The following MRAS variants were observed in gnomAD, a reference collection of about 807,000 sequenced individuals.
MRAS encodes the protein muscle RAS oncogene homolog.
In MRAS, 4 loss-of-function variants were observed where a neutral mutation model predicts 20.9. That is an observed-to-expected ratio of 0.19 (90% CI 0.09 to 0.44). MRAS has a LOEUF of 0.44. Ranked by LOEUF, MRAS falls within the 20% of genes least tolerant of loss-of-function variation. The pLI is 0.99. For synonymous variants in MRAS, 98 were observed against 102.9 expected (o/e 0.95, Z 0.29); for missense variants, 154 against 277.5 (o/e 0.56, Z 3.16).
In MRAS at chr3:138,403,184, C is replaced by G. The variant is rs1192117187; in HGVS notation, c.*915C>G. 1.3e-5 allele frequency: 2 copies of G among 152,194 alleles called. No individual in the cohort carries two copies. Among genetic ancestry groups the G allele is most frequent in the Non-Finnish European group, 2.9e-5 (2 of 68,036 alleles). 9.4% of individuals were successfully genotyped at this position (152,194 alleles called of 1,614,324 possible). ...TTTCAGACAGTATGGGTTAAGTTCT[C>G]TGCCCTCCCCAGGGGTCTGAGGAGG... On this transcript the variant is annotated 3_prime_UTR_variant, in exon 6 of 6. Coordinates refer to ENST00000423968, the MANE Select transcript of MRAS (RefSeq NM_001085049.3).
chr3:138,373,376 A>T (rs1336934918), intron 2 of MRAS, among the ~76,000 whole-genome samples: 2 of 152,198 alleles, frequency 1.3e-5, no homozygotes, highest in Non-Finnish European at 2.9e-5. Flanking sequence ...ATTAACAGTT[A>T]TGGATGTCTT....
intron 2 of MRAS, among the ~76,000 whole-genome samples, chr3:138,383,270 GCAGACCT>G (rs758715911): frequency 1.3e-5 from 2 of 152,128 alleles, no homozygotes; most frequent in Admixed American, 6.5e-5. Context: ...TTGGCACATA[GCAGACCT>G]CAGTAGATGC....
At position 138,367,171 on chromosome 3, in the gene MRAS, C is replaced by T. The variant is rs571500576; in HGVS notation, c.-18-5695C>T. ...GGGGCAAGGAAATGGTTTAAATCAC[C>T]GAAGTCTACCAGGTTGAAGGGAAAG... On this transcript the variant is annotated intron_variant, in intron 1 of 5. Coordinates refer to ENST00000423968, the MANE Select transcript of MRAS (RefSeq NM_001085049.3). 2.0e-5 allele frequency among the ~76,000 whole-genome samples: 3 copies of T among 152,222 alleles called. No individual in the cohort carries two copies. In the South Asian group the frequency reaches 6.2e-4, roughly 32 times the overall value.
chr3:138,360,284 C>G (rs1181421655), intron 1 of MRAS, among the ~76,000 whole-genome samples: 1 of 152,226 alleles, frequency 6.6e-6, no homozygotes, highest in African/African-American at 2.4e-5. Flanking sequence ...CAGAGGGATG[C>G]CTGGCCCTGG....
Position 138,373,073 on chromosome 3 carries a change from G to A in MRAS, c.190G>A (p.Asp64Asn). 1 of 1,472,696 alleles carries A rather than the reference G, an allele frequency of 6.8e-7. No individual in the cohort carries two copies. The highest frequency in any genetic ancestry group is 9.0e-7 in the Non-Finnish European group (1 of 1,111,514). The allele number at this position is 1,472,696 out of a possible 1,614,324, so 91.2% of individuals were successfully genotyped here. ...GATTGACAATCAATGGGCCATCTTG[G>A]ACGGTGAGACCTGGGTGGCAGCCCT... The part of the protein sequence containing the change: ...TEIDNQWAIL[D>N]VLDTAGQEEF... The change falls in exon 2 of 6, where the codon GAC becomes AAC. Residue 64 changes from aspartate to asparagine, a missense_variant. This residue lies in a region of MRAS where 125 missense variants were observed against 213.5 expected (regional missense o/e 0.59). Coordinates refer to ENST00000423968, the MANE Select transcript of MRAS (RefSeq NM_001085049.3).
chr3:138,360,270 G>C (rs144069878), intron 1 of MRAS, among the ~76,000 whole-genome samples: 3,216 of 152,324 alleles, frequency 0.021, 79 homozygotes, highest in South Asian at 0.086. Flanking sequence ...GGGCCTGTGA[G>C]ATGCAGAGGG....
chr3:138,398,718 T>G, intron 4 of MRAS, 150 bp downstream of exon 4: 1 of 675,760 alleles, frequency 1.5e-6, no homozygotes, highest in Non-Finnish European at 2.5e-6. Flanking sequence ...AATCCTGCAA[T>G]TCCAGGAATC....
In MRAS at chr3:138,355,570, C is replaced by T. The variant is rs569978829; in HGVS notation, c.-19+6803C>T. ...GATAGTGGGGACCTGCGGGAGACCC[C>T]AAGTCCTCTTCATTAAGTGCTGAGA... is the stretch of plus-strand genomic sequence containing the variant. On this transcript the variant is annotated intron_variant, in intron 1 of 5. Coordinates refer to ENST00000423968, the MANE Select transcript of MRAS (RefSeq NM_001085049.3). 6.6e-5 allele frequency among the ~76,000 whole-genome samples: 10 copies of T among 152,328 alleles called. No individual in the cohort carries two copies. The South Asian group carries it at 2.1e-3, about 32-fold the overall frequency.
chr3:138,403,345 G>A lies in MRAS; in HGVS notation c.*1076G>A, dbSNP rs149321852. ...ATCCAGAAAACTCCAGTTCATGCTG[G>A]ATCTTAACCAAAAATGATTCAATAC... On this transcript the variant is annotated 3_prime_UTR_variant, in exon 6 of 6. Transcript: ENST00000423968. 4.6e-5 allele frequency: 7 copies of A among 152,294 alleles called. No homozygotes were observed. Among genetic ancestry groups the A allele is most frequent in the African/African-American group, 1.7e-4 (7 of 41,550 alleles). The allele number at this position is 152,294 out of a possible 1,614,324, so 9.4% of individuals were successfully genotyped here.
chr3:138,373,191 G>A, intron 2 of MRAS, 115 bp downstream of exon 2: 4 of 985,176 alleles, frequency 4.1e-6, no homozygotes, highest in Middle Eastern at 3.5e-4. Context: ...GTTATGGGAT[G>A]GTTGATATAA....
intron 1 of MRAS, among the ~76,000 whole-genome samples, chr3:138,367,275 C>T (rs573689120): frequency 1.3e-5 from 2 of 152,284 alleles, no homozygotes; most frequent in East Asian, 3.9e-4. Context: ...AGGCCTTACA[C>T]CTTCCTGGGG....
intron 1 of MRAS, among the ~76,000 whole-genome samples, chr3:138,370,432 C>CT (rs2054650865): frequency 6.6e-6 from 1 of 152,186 alleles, no homozygotes; most frequent in Non-Finnish European, 1.5e-5. Context: ...CTCTGCAGCT[C>CT]TGAGAGGCAA....
chr3:138,371,026 A>G (rs1434053363), intron 1 of MRAS, among the ~76,000 whole-genome samples: 1 of 152,130 alleles, frequency 6.6e-6, no homozygotes, highest in African/African-American at 2.4e-5. Flanking sequence ...TCCCCCCAAC[A>G]TTAAGTTATT....
At chr3:138,382,521 T>C (rs2108535959) in intron 2 of MRAS, among the ~76,000 whole-genome samples, 1 of 152,270 alleles carries the variant, frequency 6.6e-6, no homozygotes, top group East Asian at 1.9e-4. Flanking sequence ...GTTGGTAAAA[T>C]AGTGAAGTAC....
chr3:138,375,637 C>T (rs564438053), intron 2 of MRAS, among the ~76,000 whole-genome samples: 136 of 152,264 alleles, frequency 8.9e-4, no homozygotes, highest in Non-Finnish European at 1.7e-3. Context: ...TTTTGTCTGT[C>T]TGTTGGTTGT....
intron 4 of MRAS, among the ~76,000 whole-genome samples, chr3:138,399,863 G>A (rs566534174): frequency 9.8e-5 from 15 of 152,314 alleles, no homozygotes; most frequent in African/African-American, 3.1e-4. Context: ...TTGCCAGCCC[G>A]AGGCTTGGTG....
chr3:138,352,741 G>A (rs1188620455), intron 1 of MRAS, among the ~76,000 whole-genome samples: 2 of 152,040 alleles, frequency 1.3e-5, no homozygotes, highest in Admixed American at 6.6e-5. Flanking sequence ...GTAAGATTTT[G>A]GAGAGCACCA....
intron 1 of MRAS, among the ~76,000 whole-genome samples, chr3:138,369,309 G>A (rs370697978): frequency 3.5e-4 from 53 of 152,306 alleles, no homozygotes; most frequent in African/African-American, 1.0e-3. Context: ...TCATTGTGGC[G>A]TCTGTGGCAG....
Position 138,387,316 on chromosome 3 carries a change from G to A in MRAS, c.194-10008G>A, listed in dbSNP as rs147663864. 2.6e-5 allele frequency among the ~76,000 whole-genome samples: 4 copies of A among 152,350 alleles called. No individual in the cohort carries two copies. The East Asian group carries it at 5.8e-4, about 22-fold the overall frequency. On this transcript the variant is annotated intron_variant, in intron 2 of 5. Transcript: ENST00000423968. Reference sequence around the variant, plus strand: ...GGTGGAGAGTTTGGTGTAAGCAAGTGGGGTGAATGCAGGAAGCAGCCTCCA... The same window carrying A: ...GGTGGAGAGTTTGGTGTAAGCAAGTAGGGTGAATGCAGGAAGCAGCCTCCA...
Sources: allele counts gnomAD v4.1 joint callset (sites outside exome capture counted in the v4.1 genomes callset), GRCh38; gene constraint gnomAD v4.1.1; regional missense constraint gnomAD v4.1.1; transcripts MANE v1.5; gene names NCBI Gene and HGNC (gene_info 2026-07-23, HGNC 2026-07-21).